RAPGEF3: variants seen among roughly 807,000 people sequenced by gnomAD.
RAPGEF3 encodes Rap guanine nucleotide exchange factor 3, also known as 9330170P05Rik.
A neutral mutation model predicts 129.8 loss-of-function variants in RAPGEF3; 103 were observed. The observed-to-expected ratio is 0.79, with a 90% CI of 0.68 to 0.93. The LOEUF is 0.93. RAPGEF3 is among the 40% of genes least tolerant of loss of function. The probability of loss-of-function intolerance (pLI) is 0.00; values close to 1 mark genes in which losing one functional copy is unlikely to be tolerated. For missense variants in RAPGEF3, 1,117 were observed against 1,207.4 expected (o/e 0.93, Z 1.11); for synonymous variants, 436 against 482.6 (o/e 0.90, Z 1.26).
chr12:47,751,145 C>T lies in RAPGEF3; in HGVS notation c.574G>A (p.Val192Met), dbSNP rs544361332. ...YRFPGPEPEP[V>M]RTHEMEEELA... is the part of the protein sequence containing the mutation. Reference sequence around the variant, plus strand: ...TCCTCCTCCATCTCATGAGTTCTCACGGGCTCGGGCTCGGGCCCGGGGAAC... The same window carrying T: ...TCCTCCTCCATCTCATGAGTTCTCATGGGCTCGGGCTCGGGCCCGGGGAAC... The change falls in exon 6 of 28, where the codon GTG becomes ATG. Residue 192 changes from valine to methionine, a missense_variant. Physicochemically the swap from Val to Met is conservative, Grantham distance 21 (BLOSUM62 1). This residue lies in a region of RAPGEF3 where 367 missense variants were observed against 373.4 expected (regional missense o/e 0.98). Transcript: ENST00000449771. The T allele has an allele frequency of 2.7e-5, 42 of 1,556,976 alleles. No homozygotes were observed. The highest frequency in any genetic ancestry group is 4.1e-5 in the African/African-American group (3 of 72,640).
Position 47,758,541 on chromosome 12 carries a change from C to T in RAPGEF3, c.6+10G>A. The stretch of plus-strand genomic sequence containing the variant: ...CTGCTCCTCCTCAACCCTGACCCCA[C>T]CTTACCCACCTTCATGTTTCTTTTC... On this transcript the variant is annotated intron_variant, in intron 1 of 27. Transcript: ENST00000449771. 6.2e-7 allele frequency: 1 copy of T among 1,613,936 alleles called. No homozygotes were observed. Among genetic ancestry groups the T allele is most frequent in the Non-Finnish European group, 8.5e-7 (1 of 1,179,884 alleles).
intron 15 of RAPGEF3, 127 bp from the exon 16 acceptor site, chr12:47,747,026 G>T: frequency 1.1e-6 from 1 of 878,980 alleles, no homozygotes; most frequent in Non-Finnish European, 1.8e-6. Context: ...GACCAGGTAA[G>T]TATCACATAA....
chr12:47,738,035 C>T lies in RAPGEF3; in HGVS notation c.2640G>A (p.Ala880=), dbSNP rs747340295. 8 of 1,552,466 alleles carry T rather than the reference C, an allele frequency of 5.2e-6. No individual in the cohort carries two copies. Among genetic ancestry groups the T allele is most frequent in the South Asian group, 1.1e-5 (1 of 90,440 alleles). The part of the protein sequence containing the change: ...VSHLHEDSQV[A]RISTCSEQSL... ...CCCACCACTTACATGTGGAAATCCTCGCCACCTGGCTGTCCTCGTGGAGGT... is the reference window on the plus strand; with the variant it reads ...CCCACCACTTACATGTGGAAATCCTTGCCACCTGGCTGTCCTCGTGGAGGT... The change falls in exon 27 of 28, where the codon GCG becomes GCA. Residue 880 remains alanine, a synonymous_variant. Transcript: ENST00000449771.
chr12:47,748,755 G>A (rs571262027), intron 11 of RAPGEF3, 64 bp downstream of exon 11: 156 of 1,291,602 alleles, frequency 1.2e-4, no homozygotes, highest in Non-Finnish European at 1.6e-4. Flanking sequence ...CACAGGGGAA[G>A]GGAGCAAAGA....
intron 4 of RAPGEF3, 93 bp downstream of exon 4, chr12:47,751,630 C>A: frequency 6.3e-7 from 1 of 1,597,788 alleles, no homozygotes; most frequent in Non-Finnish European, 8.6e-7. Context: ...CGTCCCTGTG[C>A]TAGAAGCAGG....
intron 17 of RAPGEF3, 66 bp from the exon 18 acceptor site, chr12:47,743,742 C>T (rs748610081): frequency 2.8e-5 from 44 of 1,562,570 alleles, no homozygotes; most frequent in East Asian, 6.8e-5. Flanking sequence ...AGGGAGAGGG[C>T]GGCTATTGCA....
Position 47,748,453 on chromosome 12 carries a change from C to A in RAPGEF3, c.1243+1G>T, listed in dbSNP as rs1164309354. ...GCAGGCAGGGTGTCTCTTGCCCTTA[C>A]CTGTTGGGTCATGAGCACTGGAATC... is the stretch of plus-strand genomic sequence containing the variant. On this transcript the variant is annotated splice_donor_variant, in intron 12 of 27. Coordinates refer to ENST00000449771, the MANE Select transcript of RAPGEF3 (RefSeq NM_001098531.4). LOFTEE classifies it high-confidence loss of function. 6.2e-7 allele frequency: 1 copy of A among 1,612,494 alleles called. No homozygotes were observed. Among genetic ancestry groups the A allele is most frequent in the South Asian group, 1.1e-5 (1 of 90,984 alleles).
rs1033380474 is a variant in RAPGEF3, at chr12:47,758,240, T to A, written c.7-162A>T. ...AGCTGGGGGGAGGAACAGGAAGACC[T>A]TCACTGGGGCCTGCCGGTCTGGCGC... On this transcript the variant is annotated intron_variant, in intron 1 of 27. Transcript: ENST00000449771. 2.1e-5 allele frequency: 30 copies of A among 1,433,458 alleles called. No individual in the cohort carries two copies. In the East Asian group the frequency reaches 7.5e-4, roughly 36 times the overall value. 88.8% of individuals were successfully genotyped at this position (1,433,458 alleles called of 1,614,324 possible).
Position 47,749,953 on chromosome 12 carries a change from G to A in RAPGEF3, c.794C>T (p.Pro265Leu). The A allele has an allele frequency of 1.2e-6, 2 of 1,614,224 alleles. No homozygotes were observed. Among genetic ancestry groups the A allele is most frequent in the Non-Finnish European group, 1.7e-6 (2 of 1,180,046 alleles). Residue 265 changes from proline (P) to leucine (L), a missense_variant, in exon 8 of 28, where the codon CCA (proline) becomes CTA (leucine). Around this residue, in one of 3 missense-constraint regions of RAPGEF3, gnomAD observed 367 missense variants for 373.4 expected, o/e 0.98. Transcript: ENST00000449771. This position sits in a 1 kb window ranked among gnomAD's most constrained non-coding sequence, Gnocchi z 4.5. The part of the protein sequence containing the change: ...RELAAVLLFE[P>L]HSKAGTVLFS... ...ACACACGGTCCCTGCCTTGCTGTGT[G>A]GTTCAAAGAGCAGAACAGCCGCTAA...
Position 47,738,082 on chromosome 12 carries a change from G to A in RAPGEF3, c.2593C>T (p.Pro865Ser), listed in dbSNP as rs1940895674. The A allele has an allele frequency of 1.2e-6, 2 of 1,614,160 alleles. 1 individual carries two copies. Among genetic ancestry groups the A allele is most frequent in the African/African-American group, 2.7e-5 (2 of 75,050 alleles). The change falls in exon 27 of 28, where the codon CCA becomes TCA. Residue 865 changes from proline to serine, a missense_variant. This residue lies in a region of RAPGEF3 where 643 missense variants were observed against 673.4 expected (regional missense o/e 0.95). Coordinates refer to ENST00000449771, the MANE Select transcript of RAPGEF3 (RefSeq NM_001098531.4). Reference sequence around the variant, plus strand: ...AGGTGGGAAACTCGGCTTCTGAGTGGTGAGAGAGGCACTGCGGGGGTGGGG... The same window carrying A: ...AGGTGGGAAACTCGGCTTCTGAGTGATGAGAGAGGCACTGCGGGGGTGGGG... ...CRSHNPVPLSPLRSRVSHLHE... is the reference protein window; with the variant it reads ...CRSHNPVPLSSLRSRVSHLHE...
Position 47,758,025 on chromosome 12 carries a change from G to C in RAPGEF3, c.60C>G (p.Ser20Arg), listed in dbSNP as rs528361073. ...CWQVGLAVEDSPALGAPRVGA... is the reference protein window; with the variant it reads ...CWQVGLAVEDRPALGAPRVGA... ...CCACCCGCGGTGCTCCCAGAGCTGG[G>C]CTATCCTCCACAGCCAGGCCCACCT... Residue 20 changes from serine (S) to arginine (R), a missense_variant, in exon 2 of 28, where the codon AGC becomes AGG. Ser to Arg is a moderately radical substitution (Grantham distance 110). Around this residue, in one of 3 missense-constraint regions of RAPGEF3, gnomAD observed 367 missense variants for 373.4 expected, o/e 0.98. Transcript: ENST00000449771. 1 of 1,576,640 alleles carries C rather than the reference G, an allele frequency of 6.3e-7. No individual in the cohort carries two copies. Among genetic ancestry groups the C allele is most frequent in the South Asian group, 1.2e-5 (1 of 85,996 alleles).
chr12:47,753,514 G>A (rs373887509), intron 2 of RAPGEF3, among the ~76,000 whole-genome samples: 9 of 152,252 alleles, frequency 5.9e-5, no homozygotes, highest in Non-Finnish European at 1.0e-4. Flanking sequence ...ATGTGCAGGC[G>A]CCTGGCCCAG....
Position 47,738,751 on chromosome 12 carries a change from A to C in RAPGEF3, c.2465T>G (p.Met822Arg). 1 of 1,608,600 alleles carries C rather than the reference A, an allele frequency of 6.2e-7. No homozygotes were observed. The highest frequency in any genetic ancestry group is 8.5e-7 in the Non-Finnish European group (1 of 1,175,004). The part of the protein sequence containing the change: ...IPFMPLLLKD[M>R]TFIHEGNHTL... ...GTGGTTTCCCTCATGAATGAAGGTC[A>C]TGTCTGCAAAGAGATGGGTTTTGTT... is the stretch of plus-strand genomic sequence containing the variant. Residue 822 changes from methionine to arginine, a missense_variant, in exon 25 of 28, where the codon ATG (methionine) becomes AGG (arginine). Physicochemically the swap from Met to Arg is moderately conservative, Grantham distance 91. Coordinates refer to ENST00000449771, the MANE Select transcript of RAPGEF3 (RefSeq NM_001098531.4).
intron 24 of RAPGEF3, 39 bp from the exon 25 acceptor site, chr12:47,738,793 T>G (rs1037659317): frequency 1.9e-6 from 3 of 1,543,400 alleles, no homozygotes; most frequent in African/African-American, 2.7e-5. Context: ...TCCCCAAACT[T>G]CTGCCCTCCT....
At chr12:47,755,666 T>C (rs1038439822) in intron 2 of RAPGEF3, 1 of 152,236 alleles carries the variant, frequency 6.6e-6, no homozygotes, top group African/African-American at 2.4e-5. Context: ...GCCCTCCTAC[T>C]GTAACCCGCT....
Position 47,741,542 on chromosome 12 carries a change from C to A in RAPGEF3, c.1886G>T (p.Arg629Leu). The A allele has an allele frequency of 6.2e-7, 1 of 1,614,164 alleles. No individual in the cohort carries two copies. Among genetic ancestry groups the A allele is most frequent in the Non-Finnish European group, 8.5e-7 (1 of 1,180,026 alleles). The change falls in exon 19 of 28, where the codon CGT (arginine) becomes CTT (leucine). Residue 629 changes from arginine to leucine, a missense_variant. This residue lies in a region of RAPGEF3 where 643 missense variants were observed against 673.4 expected (regional missense o/e 0.95). Coordinates refer to ENST00000449771, the MANE Select transcript of RAPGEF3 (RefSeq NM_001098531.4). ...TTCCTGTGGGTTGACAACAAAGAGA[C>A]GCTCATTGAGCCCCAGAGATGTGGC... ...GVATSLGLNE[R>L]LFVVNPQEVH...
Position 47,736,946 on chromosome 12 carries a change from A to C in RAPGEF3, c.*621T>G, listed in dbSNP as rs1044327311. 6.5e-6 allele frequency: 1 copy of C among 152,688 alleles called. No homozygotes were observed. The highest frequency in any genetic ancestry group is 2.4e-5 in the African/African-American group (1 of 41,470). The allele number at this position is 152,688 out of a possible 1,614,324, so 9.5% of individuals were successfully genotyped here. ...CAGCATGGGGCTGCTTCTCCTCCAC[A>C]GCTCCTTCCCAGAGGGCGGGGCCTC... On this transcript the variant is annotated 3_prime_UTR_variant, in exon 28 of 28. Transcript: ENST00000449771.
rs968221266 is a variant in RAPGEF3 at position 47,735,176 on chromosome 12, T to C, written c.*2391A>G. The C allele has an allele frequency of 6.6e-6, 1 of 152,224 alleles. No individual in the cohort carries two copies. The highest frequency in any genetic ancestry group is 2.4e-5 in the African/African-American group (1 of 41,410). 9.4% of individuals were successfully genotyped at this position (152,224 alleles called of 1,614,324 possible). On this transcript the variant is annotated 3_prime_UTR_variant, in exon 28 of 28. Coordinates refer to ENST00000449771, the MANE Select transcript of RAPGEF3 (RefSeq NM_001098531.4). Reference sequence around the variant, plus strand: ...CTCCTTTCAGGTAACAGAGGCTTTTTAAAGGACTGATCTAGGGCCACACTC... The same window carrying C: ...CTCCTTTCAGGTAACAGAGGCTTTTCAAAGGACTGATCTAGGGCCACACTC...
At chr12:47,746,499 T>C in intron 16 of RAPGEF3, 1 of 598,274 alleles carries the variant, frequency 1.7e-6, no homozygotes, top group Non-Finnish European at 2.9e-6. Flanking sequence ...CGCCTTCCTC[T>C]GAGCTCCCAC....
Sources: gnomAD v4.1 joint callset for allele counts (sites outside exome capture counted in the v4.1 genomes callset) on GRCh38, gnomAD v4.1.1 for gene constraint, gnomAD v4.1.1 regional missense constraint, Gnocchi (gnomAD v3.1) non-coding constraint, MANE v1.5 for transcripts, NCBI Gene and HGNC (gene_info 2026-07-23, HGNC 2026-07-21) for gene names.